Variants in PCDHGB1 observed in about 807,000 individuals in gnomAD.
PCDHGB1 encodes protocadherin gamma subfamily B, 1, also known as protocadherin gamma-B1.
A neutral mutation model predicts 56.6 loss-of-function variants in PCDHGB1; 34 were observed. That is an observed-to-expected ratio of 0.60 (90% CI 0.46 to 0.80). The LOEUF (loss-of-function observed/expected upper bound fraction) is 0.80, where lower values mean the gene tolerates loss of function less well. PCDHGB1 is among the 30% of genes least tolerant of loss of function. The pLI is 0.00. For synonymous variants in PCDHGB1, 561 were observed against 505.9 expected, an observed-to-expected ratio of 1.11 and a Z score of -1.46; for missense variants, 1,278 against 1,204.6, an observed-to-expected ratio of 1.06 and a Z score of -0.90.
At chr5:141,399,910 G>T in intron 1 of PCDHGB1, 1 of 1,612,438 alleles carries the variant, frequency 6.2e-7, no homozygotes, top group Non-Finnish European at 8.5e-7. Context: ...CGCAGACTCA[G>T]GACACAACGC....
chr5:141,462,036 G>A (rs760555655), intron 1 of PCDHGB1, among the ~76,000 whole-genome samples: 5 of 151,978 alleles, frequency 3.3e-5, no homozygotes, highest in African/African-American at 7.3e-5. Flanking sequence ...TTGGTCAGGC[G>A]GGTCTTGAAC....
rs143767010 is a variant in PCDHGB1 at position 141,460,190 on chromosome 5, A to G, written c.2410-34617A>G. 3.2e-3 allele frequency among the ~76,000 whole-genome samples: 486 copies of G among 152,218 alleles called. 1 individual carries two copies. Among genetic ancestry groups the G allele is most frequent in the Non-Finnish European group, 4.9e-3 (336 of 68,006 alleles). ...TTTTGTGGATATTTTATCCCAGACTATGACTTGTCTTTTCATTTTCTTAGT... is the reference window on the plus strand; with the variant it reads ...TTTTGTGGATATTTTATCCCAGACTGTGACTTGTCTTTTCATTTTCTTAGT... On this transcript the variant is annotated intron_variant, in intron 1 of 3. Coordinates refer to ENST00000523390, the MANE Select transcript of PCDHGB1 (RefSeq NM_018922.3).
At chr5:141,383,622 C>G (rs780650375) in intron 1 of PCDHGB1, 19 of 1,613,798 alleles carry the variant, frequency 1.2e-5, no homozygotes, top group Admixed American at 3.3e-5. Flanking sequence ...ACACGCCTGT[C>G]TTCTCTCTGC....
At chr5:141,374,469 A>G in intron 1 of PCDHGB1, 1 of 1,612,698 alleles carries the variant, frequency 6.2e-7, no homozygotes, top group Non-Finnish European at 8.5e-7. Flanking sequence ...ATTAATGACA[A>G]TACACCCCGA....
chr5:141,481,646 C>T (rs1425216422), intron 1 of PCDHGB1, among the ~76,000 whole-genome samples: 1 of 151,950 alleles, frequency 6.6e-6, no homozygotes, highest in African/African-American at 2.4e-5. Flanking sequence ...GGTGAAACTT[C>T]ATCTCTACTA....
At chr5:141,355,141 G>A in intron 1 of PCDHGB1, 1 of 1,526,010 alleles carries the variant, frequency 6.6e-7, no homozygotes, top group South Asian at 1.3e-5. Context: ...AGATCCTGGG[G>A]CTCCTCAGGC....
At chr5:141,451,892 A>C (rs1215224398) in intron 1 of PCDHGB1, among the ~76,000 whole-genome samples, 2 of 152,114 alleles carry the variant, frequency 1.3e-5, no homozygotes, top group Non-Finnish European at 2.9e-5. Context: ...AAAGAAAGGA[A>C]GGAACAAGGG....
At chr5:141,422,576 C>T in intron 1 of PCDHGB1, 1 of 1,614,034 alleles carries the variant, frequency 6.2e-7, no homozygotes, top group South Asian at 1.1e-5. Context: ...AACGATAACC[C>T]TCCCGTTTTT....
chr5:141,383,143 G>A (rs371358932), intron 1 of PCDHGB1: 2 of 1,613,972 alleles, frequency 1.2e-6, no homozygotes, highest in Non-Finnish European at 8.5e-7. Context: ...CCAGCGCAGC[G>A]GCAGCTTGGT....
intron 1 of PCDHGB1, chr5:141,357,117 G>C (rs539262647): frequency 6.2e-7 from 1 of 1,613,714 alleles, no homozygotes; most frequent in Non-Finnish European, 8.5e-7. Context: ...ACGCGCTCAA[G>C]CAGAGGCTTG....
chr5:141,415,404 C>A lies in PCDHGB1; in HGVS notation c.2409+62735C>A, dbSNP rs199662613. On this transcript the variant is annotated intron_variant, in intron 1 of 3. Transcript: ENST00000523390. ...GCTTGACAGGTGTGTCCGGCTCGCA[C>A]TTTGTGGGCGTGGACGGGGTTCGGG... The A allele has an allele frequency of 2.2e-4, 363 of 1,614,238 alleles. 1 individual carries two copies. Among genetic ancestry groups the A allele is most frequent in the Non-Finnish European group, 6.8e-6 (8 of 1,180,048 alleles).
chr5:141,383,111 G>A (rs1778825572), intron 1 of PCDHGB1: 3 of 1,614,040 alleles, frequency 1.9e-6, no homozygotes, highest in Non-Finnish European at 2.5e-6. Context: ...TCCAGAGGTA[G>A]GACGCAGCTT....
rs773763605 is a variant in PCDHGB1, at chr5:141,476,631, A to G, written c.2410-18176A>G. On this transcript the variant is annotated intron_variant, in intron 1 of 3. Transcript: ENST00000523390. The surrounding 1 kb of genome is among the most constrained non-coding windows in gnomAD (Gnocchi z 7.6). ...GTGGGAAGCAACTCTTTACAAACCT[A>G]TGAGCTGAGCCGAAATGAATACTTT... The G allele has an allele frequency of 2.5e-6, 4 of 1,614,224 alleles. No individual in the cohort carries two copies. Among genetic ancestry groups the G allele is most frequent in the Admixed American group, 1.7e-5 (1 of 60,032 alleles).
chr5:141,403,632 G>A (rs759489331), intron 1 of PCDHGB1: 2 of 1,613,916 alleles, frequency 1.2e-6, no homozygotes, highest in Admixed American at 1.7e-5. Context: ...AGCACAGTGC[G>A]CATCCATGTG....
At position 141,491,150 on chromosome 5, in the gene PCDHGB1, A is replaced by G; in HGVS notation, c.2410-3657A>G. On this transcript the variant is annotated intron_variant, in intron 1 of 3. Coordinates refer to ENST00000523390, the MANE Select transcript of PCDHGB1 (RefSeq NM_018922.3). This position sits in a 1 kb window ranked among gnomAD's most constrained non-coding sequence, Gnocchi z 6.9. ...CGCACAGCCCGGGCCTTACTGGAGG[A>G]TGACTCTGACACCCAGCAGGTGGTG... is the stretch of plus-strand genomic sequence containing the variant. 1 of 1,614,122 alleles carries G rather than the reference A, an allele frequency of 6.2e-7. No individual in the cohort carries two copies. Among genetic ancestry groups the G allele is most frequent in the African/African-American group, 1.3e-5 (1 of 75,060 alleles).
chr5:141,465,142 T>TCCCTAA (rs2099097979), intron 1 of PCDHGB1, among the ~76,000 whole-genome samples: 3 of 151,990 alleles, frequency 2.0e-5, no homozygotes, highest in Non-Finnish European at 4.4e-5. Flanking sequence ...GTTTAGGGGA[T>TCCCTAA]ATATGAAGGG....
Position 141,432,093 on chromosome 5 carries a change from CCAACGA to C in PCDHGB1, c.2410-62709_2410-62704del. 1.2e-6 allele frequency: 2 copies of C among 1,614,170 alleles called. No individual in the cohort carries two copies. The highest frequency in any genetic ancestry group is 1.7e-6 in the Non-Finnish European group (2 of 1,180,046). On this transcript the variant is annotated intron_variant, in intron 1 of 3. Coordinates refer to ENST00000523390, the MANE Select transcript of PCDHGB1 (RefSeq NM_018922.3). The surrounding 1 kb of genome is among the most constrained non-coding windows in gnomAD (Gnocchi z 6.0). ...CATATCTCGCTGAACGTGGCAGACA[CCAACGA>C]CAACCCGCCGGTCTTCCCTCAGGCC...
intron 1 of PCDHGB1, among the ~76,000 whole-genome samples, chr5:141,462,639 C>T (rs2099043867): frequency 7.2e-6 from 1 of 138,292 alleles, no homozygotes. Flanking sequence ...TTGACTCTTT[C>T]ATTTCCATCC....
rs61612330 is a variant in PCDHGB1 at position 141,454,796 on chromosome 5, A to ATTTTTTTTTTTTTTTTTTTTTTTTT, written c.2410-40006_2410-39982dup. ...AAGGAAATAATCCTCCATGGTTCTA[A>ATTTTTTTTTTTTTTTTTTTTTTTTT]TTTTTTTTTTTTTTTTTTTTTTTTT... On this transcript the variant is annotated intron_variant, in intron 1 of 3. Coordinates refer to ENST00000523390, the MANE Select transcript of PCDHGB1 (RefSeq NM_018922.3). Among the ~76,000 whole-genome samples, 7 of 77,408 alleles carry ATTTTTTTTTTTTTTTTTTTTTTTTT rather than the reference A, an allele frequency of 9.0e-5. 1 individual carries two copies. Among genetic ancestry groups the ATTTTTTTTTTTTTTTTTTTTTTTTT allele is most frequent in the East Asian group, 4.0e-4 (1 of 2,514 alleles). 50.8% of individuals were successfully genotyped at this position (77,408 alleles called of 152,430 possible). A position where few individuals can be genotyped will look rare whatever the true frequency, so the allele number is the denominator to read the frequency against.
Sources: allele counts gnomAD v4.1 joint callset (sites outside exome capture counted in the v4.1 genomes callset), GRCh38; gene constraint gnomAD v4.1.1; non-coding constraint Gnocchi (gnomAD v3.1); transcripts MANE v1.5; gene names NCBI Gene and HGNC (gene_info 2026-07-23, HGNC 2026-07-21).